Variants in OBSL1 observed in about 807,000 individuals in gnomAD.
OBSL1 encodes the protein obscurin like cytoskeletal adaptor 1, also known as obscurin-like protein 1.
Under a neutral mutation model 172.0 loss-of-function variants are expected in OBSL1, and 160 were observed. The ratio of observed to expected loss-of-function variants is 0.93; its 90% CI spans 0.82 to 1.06. The LOEUF (loss-of-function observed/expected upper bound fraction) is 1.06. OBSL1 is among the 50% of genes least tolerant of loss of function. The pLI, the probability that OBSL1 is intolerant of heterozygous loss-of-function variation, is 0.00. For missense variants in OBSL1, 2,681 were observed against 2,715.4 expected (o/e 0.99, Z 0.28); for synonymous variants, 1,200 against 1,196.3 (o/e 1.00, Z -0.06).
At chr2:219,549,506 G>C (rs535260510), downstream of OBSL1, 1 of 1,252,640 alleles carries the variant, frequency 8.0e-7, no homozygotes, top group Non-Finnish European at 1.1e-6. Flanking sequence ...ATGCACCAGG[G>C]GCTTGGCGGG....
chr2:219,552,285 C>A, intron 18 of OBSL1, 69 bp from the exon 19 acceptor site: 1 of 1,395,974 alleles, frequency 7.2e-7, no homozygotes, highest in Non-Finnish European at 9.9e-7. Flanking sequence ...AAGGTGGGGG[C>A]CCAGCAGGCC....
chr2:219,556,184 CGCACGGCCCCCGCT>C lies in OBSL1; in HGVS notation c.4431_4444del (p.Ala1478LeufsTer71). The C allele has an allele frequency of 6.2e-7, 1 of 1,612,698 alleles. No homozygotes were observed. Among genetic ancestry groups the C allele is most frequent in the African/African-American group, 1.3e-5 (1 of 75,042 alleles). ...CAGGGGCTGCCCACCTCGCACCCAG[CGCACGGCCCCCGCT>C]GCACCCACTCGGCCTGTCTCCACTT... On this transcript the variant is annotated frameshift_variant, in exon 14 of 21. Coordinates refer to ENST00000404537, the MANE Select transcript of OBSL1 (RefSeq NM_015311.3). LOFTEE classifies it high-confidence loss of function.
At position 219,562,395 on chromosome 2, in the gene OBSL1, C is replaced by T; in HGVS notation, c.2953+7G>A. Reference sequence around the variant, plus strand: ...TGTGACCCCGGGGAGCTGGGCTGGGCCCACACCTGTGACGGTGACAGTGAA... The same window carrying T: ...TGTGACCCCGGGGAGCTGGGCTGGGTCCACACCTGTGACGGTGACAGTGAA... On this transcript the variant is annotated splice_region_variant and intron_variant, in intron 8 of 20. Coordinates refer to ENST00000404537, the MANE Select transcript of OBSL1 (RefSeq NM_015311.3). The T allele has an allele frequency of 1.2e-6, 2 of 1,612,194 alleles. No homozygotes were observed. The highest frequency in any genetic ancestry group is 1.3e-5 in the African/African-American group (1 of 75,040).
intron 14 of OBSL1, 131 bp from the exon 15 acceptor site, chr2:219,554,871 G>T: frequency 9.7e-7 from 1 of 1,026,698 alleles, no homozygotes; most frequent in Non-Finnish European, 1.4e-6. Context: ...AAAAAGTTCG[G>T]AACCAGGGTG....
downstream of OBSL1, among the ~76,000 whole-genome samples, chr2:219,548,635 G>A (rs1197233089): frequency 6.6e-6 from 1 of 152,220 alleles, no homozygotes; most frequent in East Asian, 1.9e-4. Context: ...AGTATGGGAG[G>A]TGAGGTGTGG....
Position 219,550,791 on chromosome 2 carries a change from T to C in OBSL1, c.*44A>G. ...CCTGCCCAGGGTAAGGGCAAACGCC[T>C]TCCAAGCTGTCCAAGGGCACCCGCC... On this transcript the variant is annotated 3_prime_UTR_variant, in exon 21 of 21. Coordinates refer to ENST00000404537, the MANE Select transcript of OBSL1 (RefSeq NM_015311.3). 3.7e-6 allele frequency: 6 copies of C among 1,605,164 alleles called. No homozygotes were observed. The highest frequency in any genetic ancestry group is 4.3e-6 in the Non-Finnish European group (5 of 1,175,872).
rs568957733 is a variant in OBSL1 at position 219,558,016 on chromosome 2, C to T, written c.3597G>A (p.Arg1199=). ...GGCTCCAGACCACGGGGGCGCCAGC[C>T]CGGGACAGTTCACAGCTCAGCACCA... The part of the protein sequence containing the change: ...EPVVLSCELS[R]AGAPVVWSHN... The change falls in exon 11 of 21, where the codon CGG becomes CGA. Residue 1199 remains arginine, a synonymous_variant. Transcript: ENST00000404537. 3 of 1,613,046 alleles carry T rather than the reference C, an allele frequency of 1.9e-6. No individual in the cohort carries two copies. The highest frequency in any genetic ancestry group is 2.2e-5 in the East Asian group (1 of 44,876).
intron 20 of OBSL1, 104 bp downstream of exon 20, chr2:219,551,425 C>G: frequency 7.1e-7 from 1 of 1,409,246 alleles, no homozygotes; most frequent in Non-Finnish European, 9.5e-7. Context: ...ATCCCAGGAC[C>G]CGTTGCCACC....
At chr2:219,564,164 T>C (rs1361272063) in intron 6 of OBSL1, among the ~76,000 whole-genome samples, 2 of 152,186 alleles carry the variant, frequency 1.3e-5, no homozygotes, top group Non-Finnish European at 2.9e-5. Flanking sequence ...CCCAAGCTGC[T>C]CTCTCAGAGA....
chr2:219,559,575 C>T (rs2106047974), intron 8 of OBSL1, 78 bp from the exon 9 acceptor site: 1 of 1,259,150 alleles, frequency 7.9e-7, no homozygotes, highest in Non-Finnish European at 1.1e-6. Flanking sequence ...CATGAAGTCC[C>T]TATCACCCAC....
chr2:219,564,865 CA>C (rs1273157153), intron 6 of OBSL1, among the ~76,000 whole-genome samples: 24 of 152,196 alleles, frequency 1.6e-4, no homozygotes, highest in Non-Finnish European at 2.4e-4. Flanking sequence ...CATTTGAGGT[CA>C]GGGGTGACCT....
At chr2:219,559,141 G>T in intron 9 of OBSL1, 84 bp downstream of exon 9, 1 of 1,298,580 alleles carries the variant, frequency 7.7e-7, no homozygotes, top group Non-Finnish European at 1.1e-6. Flanking sequence ...CTGGGGATGG[G>T]GTGGGGGAGG....
chr2:219,552,820 G>A (rs1456073987), intron 17 of OBSL1, 48 bp downstream of exon 17: 2 of 1,535,812 alleles, frequency 1.3e-6, no homozygotes, highest in South Asian at 2.4e-5. Flanking sequence ...AGCTCCGCAA[G>A]TCTCGCGCCC....
At chr2:219,552,455 G>T in intron 18 of OBSL1, 81 bp downstream of exon 18, 1 of 1,424,944 alleles carries the variant, frequency 7.0e-7, no homozygotes, top group Non-Finnish European at 9.4e-7. Flanking sequence ...GCCAGGGGCG[G>T]GGCTTGTCCC....
At position 219,558,873 on chromosome 2, in the gene OBSL1, A is replaced by AT. The variant is rs567465554; in HGVS notation, c.3226+351dup. ...TACCACCTGACAAACCATCTCTTTT[A>AT]TTTTTTGTCTGTCCACCCTCACCAG... On this transcript the variant is annotated intron_variant, in intron 9 of 20. Coordinates refer to ENST00000404537, the MANE Select transcript of OBSL1 (RefSeq NM_015311.3). 5.6e-3 allele frequency among the ~76,000 whole-genome samples: 847 copies of AT among 152,136 alleles called. 5 individuals are homozygous for AT. Among genetic ancestry groups the AT allele is most frequent in the Middle Eastern group, 0.014 (4 of 294 alleles).
chr2:219,563,718 A>G (rs1414539580), intron 6 of OBSL1, 91 bp from the exon 7 acceptor site: 5 of 1,414,418 alleles, frequency 3.5e-6, no homozygotes, highest in Non-Finnish European at 3.9e-6. Context: ...TTTCTGCACA[A>G]GAGGACACTG....
intron 8 of OBSL1, 191 bp from the exon 9 acceptor site, chr2:219,559,688 C>G (rs1186759333): frequency 5.1e-5 from 29 of 571,764 alleles, no homozygotes; most frequent in Admixed American, 9.4e-5. Flanking sequence ...ATCCAGAATG[C>G]TTTGGATTCC....
chr2:219,566,888 ACCGCTGT>A lies in OBSL1; in HGVS notation c.2069_2075del (p.Asp690ValfsTer27), dbSNP rs751216661. On this transcript the variant is annotated frameshift_variant, in exon 5 of 21. Coordinates refer to ENST00000404537, the MANE Select transcript of OBSL1 (RefSeq NM_015311.3). LOFTEE classifies it high-confidence loss of function. ...CGGGGCAGCTGAAGCCGACCAGGGC[ACCGCTGT>A]CCTGGTGCTTGACGGCATGCAGGAT... 3.7e-6 allele frequency: 6 copies of A among 1,604,830 alleles called. No individual in the cohort carries two copies. Among genetic ancestry groups the A allele is most frequent in the Non-Finnish European group, 4.3e-6 (5 of 1,172,254 alleles).
Position 219,571,135 on chromosome 2 carries a change from CA to C in OBSL1, c.97del (p.Cys33AlafsTer10), listed in dbSNP as rs1337518399. 6.7e-7 allele frequency: 1 copy of C among 1,484,820 alleles called. No individual in the cohort carries two copies. The highest frequency in any genetic ancestry group is 1.3e-5 in the South Asian group (1 of 77,844). 92.0% of individuals were successfully genotyped at this position (1,484,820 alleles called of 1,614,324 possible). ...VVSGAEAELKCVVLGEPPPVV... is the reference protein window; with the variant it reads ...VVSGAEAELKXVVLGEPPPVV... ...AGGCGGCGGCTCCCCCAGGACCACG[CA>C]CTTGAGCTCGGCCTCGGCGCCACTT... On this transcript the variant is annotated frameshift_variant, in exon 1 of 21. Transcript: ENST00000404537. LOFTEE classifies it high-confidence loss of function.
Sources: allele counts gnomAD v4.1 joint callset (sites outside exome capture counted in the v4.1 genomes callset), GRCh38; gene constraint gnomAD v4.1.1; transcripts MANE v1.5; gene names NCBI Gene and HGNC (gene_info 2026-07-23, HGNC 2026-07-21).